NPSR1: variants seen among roughly 807,000 people sequenced by gnomAD.
NPSR1 encodes neuropeptide S receptor.
Under a neutral mutation model 46.9 loss-of-function variants are expected in NPSR1, and 48 were observed. The observed-to-expected ratio is 1.02, with a 90% CI of 0.81 to 1.30. The LOEUF (loss-of-function observed/expected upper bound fraction) is 1.30, where lower values mean the gene tolerates loss of function less well. Among genes scored for constraint, NPSR1 ranks in the 50% most tolerant of loss-of-function variants. The pLI is 0.00. For missense variants in NPSR1, 450 were observed against 449.5 expected, an observed-to-expected ratio of 1.00 and a Z score of -0.01; for synonymous variants, 176 against 168.1, an observed-to-expected ratio of 1.05 and a Z score of -0.36.
intron 2 of NPSR1, among the ~76,000 whole-genome samples, chr7:34,741,399 C>T (rs1784934309): frequency 1.3e-5 from 2 of 152,238 alleles, no homozygotes; most frequent in South Asian, 4.1e-4. Flanking sequence ...CATATTAGTG[C>T]TTTTGAAAAT....
At chr7:34,746,860 C>T (rs558888655) in intron 2 of NPSR1, among the ~76,000 whole-genome samples, 1 of 152,258 alleles carries the variant, frequency 6.6e-6, no homozygotes, top group South Asian at 2.1e-4. Context: ...GGTGCGGTGA[C>T]TCTTGCCTGT....
At chr7:34,710,393 T>C (rs1783215043) in intron 2 of NPSR1, among the ~76,000 whole-genome samples, 1 of 152,232 alleles carries the variant, frequency 6.6e-6, no homozygotes, top group Non-Finnish European at 1.5e-5. Context: ...TAGATTCTAA[T>C]ATTAGTGACT....
chr7:34,790,946 A>T (rs182511461), intron 3 of NPSR1, among the ~76,000 whole-genome samples: 4 of 102,420 alleles, frequency 3.9e-5, no homozygotes, highest in African/African-American at 1.3e-4. Flanking sequence ...ATTATATATC[A>T]TATATGTTAT....
At chr7:34,850,056 T>A (rs2128765603), downstream of NPSR1, 1 of 924,786 alleles carries the variant, frequency 1.1e-6, no homozygotes. Flanking sequence ...AAAGACTTAA[T>A]TAAGCCCATA....
chr7:34,778,442 C>G lies in NPSR1; in HGVS notation c.281-20C>G, dbSNP rs1360044545. On this transcript the variant is annotated intron_variant, in intron 2 of 8. Coordinates refer to ENST00000360581, the MANE Select transcript of NPSR1 (RefSeq NM_207172.2). ...AATAAAAATAAACCCTGAATGTAAG[C>G]ACTTGTACGTTTTTGTTAGATTCTT... 7.4e-7 allele frequency: 1 copy of G among 1,342,842 alleles called. No homozygotes were observed. The highest frequency in any genetic ancestry group is 1.1e-6 in the Non-Finnish European group (1 of 939,052). The allele number at this position is 1,342,842 out of a possible 1,614,324, so 83.2% of individuals were successfully genotyped here.
intron 2 of NPSR1, chr7:34,750,577 A>C: frequency 1.4e-6 from 1 of 694,148 alleles, no homozygotes; most frequent in Admixed American, 1.9e-5. Flanking sequence ...AACCTCTGGC[A>C]TGACAGGCCT....
chr7:34,686,458 G>C (rs1181036130), intron 2 of NPSR1, among the ~76,000 whole-genome samples: 1 of 152,098 alleles, frequency 6.6e-6, no homozygotes, highest in Non-Finnish European at 1.5e-5. Context: ...ATACATACCT[G>C]AGTCTTGAGT....
At chr7:34,707,956 GT>G (rs1215067591) in intron 2 of NPSR1, among the ~76,000 whole-genome samples, 1 of 151,950 alleles carries the variant, frequency 6.6e-6, no homozygotes, top group African/African-American at 2.4e-5. Context: ...TGTCTTCTCC[GT>G]TTTTTTCACA....
At chr7:34,814,132 G>A (rs934743026) in intron 4 of NPSR1, among the ~76,000 whole-genome samples, 1 of 152,224 alleles carries the variant, frequency 6.6e-6, no homozygotes, top group Admixed American at 6.5e-5. Context: ...AGCACAAAGG[G>A]TTGGGGGATG....
intron 8 of NPSR1, among the ~76,000 whole-genome samples, chr7:34,864,816 G>T (rs929862393): frequency 6.6e-6 from 1 of 151,892 alleles, no homozygotes; most frequent in African/African-American, 2.4e-5. Flanking sequence ...AAGAAAGCCT[G>T]CTAACAATGA....
chr7:34,661,778 C>G (rs1791464930), intron 1 of NPSR1, among the ~76,000 whole-genome samples: 1 of 152,206 alleles, frequency 6.6e-6, no homozygotes, highest in South Asian at 2.1e-4. Flanking sequence ...GCTCCCTTCA[C>G]AGTTTCCAGT....
At chr7:34,755,102 C>G (rs1020556151) in intron 2 of NPSR1, among the ~76,000 whole-genome samples, 3 of 152,214 alleles carry the variant, frequency 2.0e-5, no homozygotes, top group Admixed American at 6.5e-5. Context: ...TCATGTACAA[C>G]TTTCTGTGTG....
chr7:34,697,211 A>G (rs1042802873), intron 2 of NPSR1, among the ~76,000 whole-genome samples: 1 of 151,922 alleles, frequency 6.6e-6, no homozygotes, highest in African/African-American at 2.4e-5. Flanking sequence ...AAACAAAATT[A>G]TGCATGATTA....
chr7:34,870,867 CATGGATGG>C (rs56324222), intron 8 of NPSR1, among the ~76,000 whole-genome samples: 6 of 145,646 alleles, frequency 4.1e-5, no homozygotes, highest in African/African-American at 1.1e-4. Flanking sequence ...AAGTGGGTAA[CATGGATGG>C]ATGGATGGAT....
chr7:34,836,613 T>A (rs1255049867), intron 6 of NPSR1, among the ~76,000 whole-genome samples: 125 of 124,492 alleles, frequency 1.0e-3, no homozygotes, highest in East Asian at 1.6e-3. Flanking sequence ...AGAGAAAGAG[T>A]GAGGAAAGAA....
At chr7:34,869,071 T>C (rs1212839607) in intron 8 of NPSR1, among the ~76,000 whole-genome samples, 1 of 151,726 alleles carries the variant, frequency 6.6e-6, no homozygotes, top group Non-Finnish European at 1.5e-5. Flanking sequence ...TGCACCACTC[T>C]ATTTCACATT....
chr7:34,849,789 A>C lies in NPSR1; in HGVS notation c.*134A>C. 2 of 1,485,698 alleles carry C rather than the reference A, an allele frequency of 1.3e-6. No homozygotes were observed. The highest frequency in any genetic ancestry group is 1.8e-6 in the Non-Finnish European group (2 of 1,120,708). The allele number at this position is 1,485,698 out of a possible 1,614,324, so 92.0% of individuals were successfully genotyped here. The stretch of plus-strand genomic sequence containing the variant: ...CATTACCTGGGAGATGCACAAGACA[A>C]ATGTTCTAATGACTGCATGCACTGC... On this transcript the variant is annotated 3_prime_UTR_variant, in exon 9 of 9. Transcript: ENST00000360581.
At chr7:34,663,792 G>T (rs1016762763) in intron 1 of NPSR1, among the ~76,000 whole-genome samples, 1 of 152,132 alleles carries the variant, frequency 6.6e-6, no homozygotes, top group African/African-American at 2.4e-5. Flanking sequence ...ATGCTCAAAA[G>T]TCACACCCTC....
chr7:34,789,478 A>G (rs1401744523), intron 3 of NPSR1, among the ~76,000 whole-genome samples: 17 of 146,604 alleles, frequency 1.2e-4, no homozygotes, highest in Admixed American at 1.2e-3. Flanking sequence ...AACAAAAAGC[A>G]TCATAACAAG....
Sources: gnomAD v4.1 joint callset for allele counts (sites outside exome capture counted in the v4.1 genomes callset) on GRCh38, gnomAD v4.1.1 for gene constraint, MANE v1.5 for transcripts, NCBI Gene and HGNC (gene_info 2026-07-23, HGNC 2026-07-21) for gene names.